Variants in RASGRP1 observed in about 807,000 individuals in gnomAD.
RASGRP1 encodes the protein RAS guanyl-releasing protein 1.
Under a neutral mutation model 95.1 loss-of-function variants are expected in RASGRP1, and 37 were observed. The observed-to-expected ratio is 0.39, with a 90% confidence interval of 0.30 to 0.51. The LOEUF is 0.51. RASGRP1 is among the 20% of genes least tolerant of loss of function. The probability of loss-of-function intolerance (pLI) is 0.80; values close to 1 mark genes in which losing one functional copy is unlikely to be tolerated. For missense variants in RASGRP1, 711 were observed against 965.4 expected, an observed-to-expected ratio of 0.74 and a Z score of 3.49; for synonymous variants, 325 against 353.4, an observed-to-expected ratio of 0.92 and a Z score of 0.90.
chr15:38,560,219 T>C, intron 1 of RASGRP1: 1 of 574,920 alleles, frequency 1.7e-6, no homozygotes, highest in South Asian at 2.0e-5. Flanking sequence ...TTGCAACTAG[T>C]GCTCTTCATC....
chr15:38,495,222 G>A (rs755647321), intron 15 of RASGRP1, among the ~76,000 whole-genome samples: 14 of 152,192 alleles, frequency 9.2e-5, no homozygotes, highest in Non-Finnish European at 1.8e-4. Flanking sequence ...GAACCCGTTT[G>A]TACAGTGGGC....
At chr15:38,514,751 A>ACTGATTTTT (rs1180952243) in intron 6 of RASGRP1, among the ~76,000 whole-genome samples, 9 of 152,302 alleles carry the variant, frequency 5.9e-5, no homozygotes, top group African/African-American at 2.2e-4. Context: ...CTCGTTCTGC[A>ACTGATTTTT]CTGATTTTTC....
chr15:38,518,476 A>G (rs935342935), intron 4 of RASGRP1, 53 bp from the exon 5 acceptor site: 4 of 1,558,450 alleles, frequency 2.6e-6, no homozygotes, highest in Admixed American at 1.9e-5. Flanking sequence ...AAGGACTCAC[A>G]ATTTGTTGGG....
intron 3 of RASGRP1, 42 bp from the exon 4 acceptor site, chr15:38,519,413 A>G: frequency 7.2e-7 from 1 of 1,388,126 alleles, no homozygotes; most frequent in Non-Finnish European, 1.0e-6. Flanking sequence ...CTGTTACAGA[A>G]ACCAAACGAC....
intron 2 of RASGRP1, among the ~76,000 whole-genome samples, chr15:38,553,540 G>A (rs1211488502): frequency 2.0e-5 from 3 of 152,146 alleles, no homozygotes; most frequent in African/African-American, 7.2e-5. Context: ...CTGACCCATG[G>A]GGACGGGCAT....
At chr15:38,545,241 T>C (rs1295095370) in intron 2 of RASGRP1, among the ~76,000 whole-genome samples, 3 of 152,240 alleles carry the variant, frequency 2.0e-5, no homozygotes, top group Non-Finnish European at 2.9e-5. Flanking sequence ...TTCTTAACTA[T>C]TTATCTCCTC....
chr15:38,496,658 A>AAAAG (rs1194529758), intron 15 of RASGRP1, among the ~76,000 whole-genome samples: 1 of 152,204 alleles, frequency 6.6e-6, no homozygotes, highest in African/African-American at 2.4e-5. Context: ...TCTTTCTTAG[A>AAAAG]AAAGACCCTA....
chr15:38,503,583 C>G (rs1233671136), intron 10 of RASGRP1: 1 of 573,664 alleles, frequency 1.7e-6, no homozygotes, highest in African/African-American at 1.9e-5. Flanking sequence ...CCAGAGTGCT[C>G]TTCACATACA....
At chr15:38,544,297 C>A (rs1036898186) in intron 2 of RASGRP1, among the ~76,000 whole-genome samples, 15 of 152,314 alleles carry the variant, frequency 9.8e-5, no homozygotes, top group African/African-American at 3.6e-4. Flanking sequence ...CATATCCATG[C>A]ACAGTTTAGT....
chr15:38,519,235 C>T (rs985072094), intron 4 of RASGRP1, 74 bp downstream of exon 4: 2 of 1,277,762 alleles, frequency 1.6e-6, no homozygotes, highest in Non-Finnish European at 2.2e-6. Context: ...TCAGGAAAGG[C>T]AGGGAAAGTC....
At chr15:38,525,454 T>G (rs1892179632) in intron 3 of RASGRP1, among the ~76,000 whole-genome samples, 1 of 152,252 alleles carries the variant, frequency 6.6e-6, no homozygotes, top group South Asian at 2.1e-4. Flanking sequence ...CTTATTTATG[T>G]GCACTTCTCG....
At chr15:38,529,672 C>T (rs894666644) in intron 2 of RASGRP1, among the ~76,000 whole-genome samples, 5 of 152,294 alleles carry the variant, frequency 3.3e-5, no homozygotes, top group Non-Finnish European at 7.3e-5. Flanking sequence ...GCCTTGTCCA[C>T]TTTTTCCACA....
At chr15:38,511,800 C>T in intron 7 of RASGRP1, 80 bp from the exon 8 acceptor site, 2 of 1,055,828 alleles carry the variant, frequency 1.9e-6, no homozygotes, top group Non-Finnish European at 2.9e-6. Context: ...CCTCTTGTCT[C>T]TGTGCCGTGA....
intron 2 of RASGRP1, among the ~76,000 whole-genome samples, chr15:38,544,404 T>C (rs1297329884): frequency 2.0e-5 from 3 of 152,234 alleles, no homozygotes; most frequent in South Asian, 2.1e-4. Context: ...GTGGTTTGAA[T>C]GTCCCTCCAA....
chr15:38,537,703 T>C (rs1019915047), intron 2 of RASGRP1, among the ~76,000 whole-genome samples: 24 of 152,114 alleles, frequency 1.6e-4, no homozygotes, highest in Non-Finnish European at 2.5e-4. Flanking sequence ...AGGCCCCATC[T>C]CCAACATTAC....
At chr15:38,556,680 T>A (rs1480668562) in intron 2 of RASGRP1, among the ~76,000 whole-genome samples, 1 of 152,226 alleles carries the variant, frequency 6.6e-6, no homozygotes, top group Non-Finnish European at 1.5e-5. Flanking sequence ...CGCCTATGGT[T>A]GGTGAGGCTT....
intron 13 of RASGRP1, 102 bp from the exon 14 acceptor site, chr15:38,500,241 A>C: frequency 1.5e-4 from 178 of 1,202,146 alleles, no homozygotes; most frequent in Non-Finnish European, 1.9e-4. Context: ...TCTCTAGCTC[A>C]AGTGGGAAGG....
intron 1 of RASGRP1, among the ~76,000 whole-genome samples, chr15:38,561,646 C>G (rs549396786): frequency 1.3e-5 from 2 of 152,228 alleles, no homozygotes; most frequent in African/African-American, 4.8e-5. Flanking sequence ...CAGGGGCACC[C>G]TGGCCCTTCA....
At position 38,489,453 on chromosome 15, in the gene RASGRP1, G is replaced by T. The variant is rs192422683; in HGVS notation, c.*1101C>A. On this transcript the variant is annotated 3_prime_UTR_variant, in exon 17 of 17. Coordinates refer to ENST00000310803, the MANE Select transcript of RASGRP1 (RefSeq NM_005739.4). ...AACTGAACTTTATATTTGTGACTTT[G>T]TATAAATGACTAAAACTTGTTTAAT... 1 of 152,408 alleles carries T rather than the reference G, an allele frequency of 6.6e-6. No individual in the cohort carries two copies. Among genetic ancestry groups the T allele is most frequent in the African/African-American group, 2.4e-5 (1 of 41,500 alleles). The allele number at this position is 152,408 out of a possible 1,614,324, so 9.4% of individuals were successfully genotyped here.
Sources: allele counts gnomAD v4.1 joint callset (sites outside exome capture counted in the v4.1 genomes callset), GRCh38; gene constraint gnomAD v4.1.1; transcripts MANE v1.5; gene names NCBI Gene and HGNC (gene_info 2026-07-23, HGNC 2026-07-21).